KIF1B: variants seen among roughly 807,000 people sequenced by gnomAD.
KIF1B encodes kinesin-like protein KIF1B.
In KIF1B, 76 loss-of-function variants were observed where a neutral mutation model predicts 241.9. The ratio of observed to expected loss-of-function variants is 0.31; its 90% CI spans 0.26 to 0.38. The LOEUF is 0.38. Ranked by LOEUF, KIF1B falls within the 10% of genes least tolerant of loss-of-function variation. KIF1B has a pLI of 1.00. For synonymous variants in KIF1B, 750 were observed against 796.7 expected, an observed-to-expected ratio of 0.94 and a Z score of 0.99; for missense variants, 1,622 against 2,271.4, an observed-to-expected ratio of 0.71 and a Z score of 5.81.
intron 32 of KIF1B, 86 bp downstream of exon 32, chr1:10,339,945 C>A: frequency 9.0e-7 from 1 of 1,111,020 alleles, no homozygotes; most frequent in Non-Finnish European, 1.4e-6. Context: ...AGAAGAGGTA[C>A]AAGTCACTGG....
chr1:10,264,203 G>C (rs982266056), intron 5 of KIF1B, among the ~76,000 whole-genome samples: 2 of 152,030 alleles, frequency 1.3e-5, no homozygotes, highest in African/African-American at 4.8e-5. Context: ...TTTTATGTTT[G>C]TTGTTTATTA....
chr1:10,295,753 C>T lies in KIF1B; in HGVS notation c.1764C>T (p.Ser588=), dbSNP rs200265546. 6.2e-7 allele frequency: 1 copy of T among 1,613,402 alleles called. No individual in the cohort carries two copies. The highest frequency in any genetic ancestry group is 1.3e-5 in the African/African-American group (1 of 75,032). ...EEHCIFRSER[S]NSGEVIVTLE... ...ATTGTATCTTCCGGAGTGAGAGAAG[C>T]AACAGCGGGGAAGGTGAGCATTCCT... The change falls in exon 19 of 49, where the codon AGC becomes AGT. Residue 588 remains serine, a synonymous_variant. Coordinates refer to ENST00000676179, the MANE Select transcript of KIF1B (RefSeq NM_001365951.3).
chr1:10,286,254 G>A (rs1649709661), intron 15 of KIF1B, among the ~76,000 whole-genome samples: 1 of 152,234 alleles, frequency 6.6e-6, no homozygotes, highest in African/African-American at 2.4e-5. Flanking sequence ...TGGCCAGGCT[G>A]GTCTCAAACT....
At chr1:10,363,101 C>T (rs924916650) in intron 40 of KIF1B, among the ~76,000 whole-genome samples, 182 bp from the exon 41 acceptor site, 22 of 152,046 alleles carry the variant, frequency 1.4e-4, no homozygotes, top group Admixed American at 1.4e-3. Flanking sequence ...TGAAAGCGGA[C>T]TCCTCTAGGA....
At position 10,311,368 on chromosome 1, in the gene KIF1B, C is replaced by T. The variant is rs572627682; in HGVS notation, c.2116-8675C>T. 2.0e-4 allele frequency among the ~76,000 whole-genome samples: 30 copies of T among 151,126 alleles called. 1 individual carries two copies. In the South Asian group the frequency reaches 5.0e-3, roughly 25 times the overall value. On this transcript the variant is annotated intron_variant, in intron 22 of 48. Transcript: ENST00000676179. ...GGACTACAGGTGAACGCCACCACAC[C>T]GAGCTAATTTTTGTATTTTTAGTAG...
At position 10,339,844 on chromosome 1, in the gene KIF1B, T is replaced by C. The variant is rs1321209151; in HGVS notation, c.3498T>C (p.Phe1166=). The C allele has an allele frequency of 8.1e-6, 13 of 1,613,896 alleles. No individual in the cohort carries two copies. The highest frequency in any genetic ancestry group is 1.1e-5 in the Non-Finnish European group (13 of 1,179,902). Reference sequence around the variant, plus strand: ...ATGGCAGAGGAAGTCCCCTGGCCTTTTATCATGTGCAGAATGTAAGTGACA... The same window carrying C: ...ATGGCAGAGGAAGTCCCCTGGCCTTCTATCATGTGCAGAATGTAAGTGACA... The part of the protein sequence containing the change: ...KNNGRGSPLA[F]YHVQNIAVEI... Residue 1166 remains phenylalanine, a synonymous_variant, in exon 32 of 49, where the codon TTT becomes TTC. Transcript: ENST00000676179.
chr1:10,248,725 G>C (rs1240866892), intron 2 of KIF1B, among the ~76,000 whole-genome samples: 1 of 151,932 alleles, frequency 6.6e-6, no homozygotes, highest in East Asian at 1.9e-4. Flanking sequence ...AGAAGTGGTG[G>C]TTGAACCAGG....
At chr1:10,306,634 C>G (rs4623) in intron 22 of KIF1B, 184,457 of 554,052 alleles carry the variant, frequency 0.33, 31,307 homozygotes, top group Admixed American at 0.38. Context: ...TGCATCAGGA[C>G]GGGTGAACCC....
Position 10,258,557 on chromosome 1 carries a change from T to C in KIF1B, c.248T>C (p.Leu83Ser), listed in dbSNP as rs539872689. The change falls in exon 4 of 49, where the codon TTA becomes TCA. Residue 83 changes from leucine (L) to serine (S), a missense_variant. Coordinates refer to ENST00000676179, the MANE Select transcript of KIF1B (RefSeq NM_001365951.3). ...AATGACATTGGCAAGGAAATGCTCT[T>C]ACACGCCTTTGAGGGATATAATGTC... ...VYNDIGKEML[L>S]HAFEGYNVCI... 1.2e-6 allele frequency: 2 copies of C among 1,614,190 alleles called. No individual in the cohort carries two copies. Among genetic ancestry groups the C allele is most frequent in the South Asian group, 1.1e-5 (1 of 91,082 alleles).
chr1:10,323,783 A>G, intron 24 of KIF1B, 101 bp from the exon 25 acceptor site: 1 of 925,180 alleles, frequency 1.1e-6, no homozygotes. Flanking sequence ...ATATTTGTTG[A>G]GCACATTCGA....
intron 4 of KIF1B, among the ~76,000 whole-genome samples, chr1:10,259,752 C>G (rs552018659): frequency 6.6e-6 from 1 of 151,780 alleles, no homozygotes; most frequent in African/African-American, 2.4e-5. Context: ...CGCCCACCTC[C>G]GCCTCCCAAA....
chr1:10,333,754 T>TA (rs1275102524), intron 27 of KIF1B, among the ~76,000 whole-genome samples: 1 of 152,164 alleles, frequency 6.6e-6, no homozygotes, highest in Non-Finnish European at 1.5e-5. Context: ...ATTTTAGAGT[T>TA]ATTAACTGTA....
intron 5 of KIF1B, among the ~76,000 whole-genome samples, chr1:10,262,368 T>G (rs1476050856): frequency 6.6e-6 from 1 of 152,170 alleles, no homozygotes; most frequent in Non-Finnish European, 1.5e-5. Flanking sequence ...CAGGTTGGTG[T>G]TGAACTCTTG....
chr1:10,308,180 G>A, intron 22 of KIF1B: 1 of 1,062,188 alleles, frequency 9.4e-7, no homozygotes, highest in Non-Finnish European at 1.1e-6. Context: ...ACAAATGACT[G>A]GGAGGCGGGG....
At chr1:10,304,395 G>C (rs750940694) in intron 22 of KIF1B, 1 of 1,613,996 alleles carries the variant, frequency 6.2e-7, no homozygotes, top group African/African-American at 1.3e-5. Context: ...CTGCCTCCGC[G>C]GAGTCATTAA....
At chr1:10,345,739 T>G in intron 34 of KIF1B, 106 bp from the exon 35 acceptor site, 2 of 803,262 alleles carry the variant, frequency 2.5e-6, no homozygotes, top group South Asian at 2.9e-5. Context: ...CTCTGACTCT[T>G]GCTGCCTTTC....
intron 1 of KIF1B, among the ~76,000 whole-genome samples, chr1:10,221,783 A>G (rs1317915537): frequency 6.6e-6 from 1 of 152,172 alleles, no homozygotes; most frequent in Non-Finnish European, 1.5e-5. Flanking sequence ...ACTTGTTTCA[A>G]ATTTGTTTTT....
intron 28 of KIF1B, 127 bp downstream of exon 28, chr1:10,334,765 G>C: frequency 5.4e-6 from 4 of 746,586 alleles, no homozygotes; most frequent in Non-Finnish European, 9.7e-6. Flanking sequence ...GTAATATACA[G>C]ACACATACTT....
intron 22 of KIF1B, among the ~76,000 whole-genome samples, chr1:10,299,524 A>T (rs1234618988): frequency 6.6e-6 from 1 of 152,226 alleles, no homozygotes; most frequent in East Asian, 1.9e-4. Context: ...CAATTAACAG[A>T]TGTATTTCTA....
Sources: allele counts gnomAD v4.1 joint callset (sites outside exome capture counted in the v4.1 genomes callset), GRCh38; gene constraint gnomAD v4.1.1; transcripts MANE v1.5; gene names NCBI Gene and HGNC (gene_info 2026-07-23, HGNC 2026-07-21).